Variants in DAB1 observed in about 807,000 individuals in gnomAD.
The protein encoded by DAB1 is DAB adaptor protein 1.
In DAB1, 15 loss-of-function variants were observed where a neutral mutation model predicts 64.6. The ratio of observed to expected loss-of-function variants is 0.23; its 90% CI spans 0.16 to 0.36. The LOEUF is 0.36. DAB1 is among the 10% of genes least tolerant of loss of function. DAB1 has a pLI of 1.00. For missense variants in DAB1, 596 were observed against 706.7 expected (o/e 0.84, Z 1.78); for synonymous variants, 235 against 251.9 (o/e 0.93, Z 0.64).
In DAB1 at chr1:57,979,784, C is replaced by T. The variant is rs117646455; in HGVS notation, n.388-95622G>A. On this transcript the variant is annotated intron_variant and non_coding_transcript_variant, in intron 5 of 20. Transcript: ENST00000485760. ...TAAAATGGGGATAAAATTAGCCTTC[C>T]TGCAGGTTGGTTATGTGTCCCACTC... 7.8e-4 allele frequency among the ~76,000 whole-genome samples: 118 copies of T among 152,252 alleles called. No homozygotes were observed. The East Asian group carries it at 0.015, about 20-fold the overall frequency.
At chr1:57,945,379 C>A (rs1341379716) in intron 5 of DAB1, among the ~76,000 whole-genome samples, 1 of 152,052 alleles carries the variant, frequency 6.6e-6, no homozygotes, top group African/African-American at 2.4e-5. Context: ...CCCACCTCAG[C>A]CTCTCAAGTA....
At position 57,917,587 on chromosome 1, in the gene DAB1, C is replaced by CTGTCCTCAGCACA. The variant is rs538610043; in HGVS notation, n.388-33426_388-33425insTGTGCTGAGGACA. On this transcript the variant is annotated intron_variant and non_coding_transcript_variant, in intron 5 of 20. Transcript: ENST00000485760. ...CATTCTTGTTTTCCCCATTTTCCCC[C>CTGTCCTCAGCACA]TTAGAGAGACATGTACCTTGACAGG... Among the ~76,000 whole-genome samples the CTGTCCTCAGCACA allele has an allele frequency of 6.7e-3, 1,025 of 152,286 alleles. 12 individuals carry two copies. Among genetic ancestry groups the CTGTCCTCAGCACA allele is most frequent in the African/African-American group, 0.024 (985 of 41,546 alleles).
chr1:57,465,483 T>C (rs891885494), intron 7 of DAB1, among the ~76,000 whole-genome samples: 27 of 152,228 alleles, frequency 1.8e-4, no homozygotes, highest in African/African-American at 4.8e-5. Flanking sequence ...GTGAAGCTAA[T>C]GCAGCCCCTA....
At chr1:57,836,515 T>C (rs1409827743) in intron 1 of DAB1, among the ~76,000 whole-genome samples, 1 of 152,200 alleles carries the variant, frequency 6.6e-6, no homozygotes, top group African/African-American at 2.4e-5. Context: ...GCTCACTCTT[T>C]CGGAGATGAG....
At chr1:58,242,305 G>T (rs559784751) in intron 4 of DAB1, among the ~76,000 whole-genome samples, 3 of 152,128 alleles carry the variant, frequency 2.0e-5, no homozygotes, top group African/African-American at 7.2e-5. Context: ...GTATGTATTT[G>T]CAAATGATTA....
In DAB1 at chr1:57,033,431, G is replaced by A. The variant is rs778458432; in HGVS notation, c.724-7388C>T. 41 of 1,612,824 alleles carry A rather than the reference G, an allele frequency of 2.5e-5. 1 individual carries two copies. The highest frequency in any genetic ancestry group is 3.0e-5 in the Non-Finnish European group (35 of 1,179,896). ...CATCAAAGTCTGTGGGCAGGTTTCT[G>A]TTCTGTAACCACAAGGCATGACTGA... On this transcript the variant is annotated intron_variant, in intron 9 of 14. Transcript: ENST00000371236.
rs199820122 is a variant in DAB1, at chr1:58,312,921, T to TA, written n.309+30430dup. On this transcript the variant is annotated intron_variant and non_coding_transcript_variant, in intron 4 of 20. Coordinates refer to the DAB1 transcript ENST00000485760. ...AGAGTTCACAACTTAAAATAAAAGT[T>TA]AAAAAAAAGAGTTCACAACTATATT... Among the ~76,000 whole-genome samples the TA allele has an allele frequency of 6.1e-3, 920 of 151,992 alleles. 18 individuals are homozygous for TA. Among genetic ancestry groups the TA allele is most frequent in the Admixed American group, 0.021 (320 of 15,244 alleles).
rs115855492 is a variant in DAB1, at chr1:58,406,928, C to T, written n.258-63525G>A. On this transcript the variant is annotated intron_variant and non_coding_transcript_variant, in intron 3 of 20. Coordinates refer to the DAB1 transcript ENST00000485760. ...GGAAAAATATCAAATAGTACCTACCCGACATGCCACCAACTTTCTAGTTGG... is the reference window on the plus strand; with the variant it reads ...GGAAAAATATCAAATAGTACCTACCTGACATGCCACCAACTTTCTAGTTGG... Among the ~76,000 whole-genome samples, 1,358 of 152,150 alleles carry T rather than the reference C, an allele frequency of 8.9e-3. 23 individuals carry two copies. Among genetic ancestry groups the T allele is most frequent in the African/African-American group, 0.032 (1,312 of 41,494 alleles).
intron 3 of DAB1, among the ~76,000 whole-genome samples, chr1:58,478,203 T>C (rs1645437706): frequency 6.6e-6 from 1 of 152,174 alleles, no homozygotes; most frequent in Non-Finnish European, 1.5e-5. Flanking sequence ...CAGTTTTCCC[T>C]GCTCTTACTC....
intron 6 of DAB1, among the ~76,000 whole-genome samples, chr1:57,662,735 C>A (rs574775951): frequency 6.6e-6 from 1 of 152,142 alleles, no homozygotes; most frequent in African/African-American, 2.4e-5. Flanking sequence ...GGGAATAGTG[C>A]GGGTCAGATG....
chr1:57,017,325 GAA>G (rs1323345216), intron 11 of DAB1, among the ~76,000 whole-genome samples: 1 of 152,000 alleles, frequency 6.6e-6, no homozygotes, highest in Non-Finnish European at 1.5e-5. Flanking sequence ...AGTGTACCAG[GAA>G]AAAAAGAGGA....
chr1:58,169,300 TTGA>T (rs1317981769), intron 4 of DAB1, among the ~76,000 whole-genome samples: 1 of 152,100 alleles, frequency 6.6e-6, no homozygotes, highest in Non-Finnish European at 1.5e-5. Context: ...TGCTGCTGTG[TTGA>T]TGAGCACAAC....
intron 4 of DAB1, among the ~76,000 whole-genome samples, chr1:58,248,239 T>C (rs1244719907): frequency 6.6e-6 from 1 of 152,208 alleles, no homozygotes; most frequent in Non-Finnish European, 1.5e-5. Context: ...CAATAAGCCC[T>C]GGCGAGCCCC....
intron 4 of DAB1, among the ~76,000 whole-genome samples, chr1:58,326,094 T>A (rs1662817199): frequency 1.3e-5 from 2 of 152,184 alleles, no homozygotes; most frequent in South Asian, 4.1e-4. Flanking sequence ...CGTAATTACG[T>A]GCTTCTCCCC....
intron 7 of DAB1, among the ~76,000 whole-genome samples, chr1:57,444,523 C>T (rs1006400142): frequency 6.6e-6 from 1 of 151,996 alleles, no homozygotes; most frequent in Admixed American, 6.6e-5. Flanking sequence ...TGACTGTTAC[C>T]TTAATTGGGA....
intron 5 of DAB1, among the ~76,000 whole-genome samples, chr1:57,952,862 G>A (rs1217979510): frequency 6.6e-6 from 1 of 152,172 alleles, no homozygotes; most frequent in African/African-American, 2.4e-5. Context: ...GCACAGATGG[G>A]AAGTGAGGAT....
intron 3 of DAB1, among the ~76,000 whole-genome samples, chr1:58,361,587 A>T (rs1212501731): frequency 6.6e-6 from 1 of 152,196 alleles, no homozygotes; most frequent in East Asian, 1.9e-4. Flanking sequence ...ATCAGGTATA[A>T]GTTAGTGTAT....
At chr1:57,028,453 G>A (rs1356312040) in intron 9 of DAB1, among the ~76,000 whole-genome samples, 1 of 152,190 alleles carries the variant, frequency 6.6e-6, no homozygotes, top group African/African-American at 2.4e-5. Flanking sequence ...ATTGTTACCA[G>A]TAGAGTGAGG....
chr1:58,172,081 T>C (rs1656206043), intron 4 of DAB1, among the ~76,000 whole-genome samples: 1 of 152,064 alleles, frequency 6.6e-6, no homozygotes, highest in African/African-American at 2.4e-5. Context: ...CCCTTTATAC[T>C]CTAATCAAGG....
Sources: allele counts gnomAD v4.1 joint callset (sites outside exome capture counted in the v4.1 genomes callset), GRCh38; gene constraint gnomAD v4.1.1; transcripts MANE v1.5; gene names NCBI Gene and HGNC (gene_info 2026-07-23, HGNC 2026-07-21).